ENPEP: variants seen among roughly 807,000 people sequenced by gnomAD.
The protein encoded by ENPEP is glutamyl aminopeptidase.
ENPEP carries 103 observed loss-of-function variants against 114.5 expected under a neutral mutation model. That is an observed-to-expected ratio of 0.90 (90% confidence interval 0.77 to 1.06). The LOEUF is 1.06. ENPEP is among the 50% of genes least tolerant of loss of function. The probability of loss-of-function intolerance (pLI) is 0.00; values close to 1 mark genes in which losing one functional copy is unlikely to be tolerated. For synonymous variants in ENPEP, 420 were observed against 422.0 expected, an observed-to-expected ratio of 1.00 and a Z score of 0.06; for missense variants, 1,196 against 1,161.3, an observed-to-expected ratio of 1.03 and a Z score of -0.43.
At chr4:110,524,990 G>A (rs548349803) in intron 10 of ENPEP, among the ~76,000 whole-genome samples, 1 of 152,258 alleles carries the variant, frequency 6.6e-6, no homozygotes, top group South Asian at 2.1e-4. Flanking sequence ...GAGCTCAAGC[G>A]ATCCTCCTGC....
At chr4:110,508,639 G>A (rs532862343) in intron 4 of ENPEP, among the ~76,000 whole-genome samples, 2 of 151,902 alleles carry the variant, frequency 1.3e-5, no homozygotes, top group South Asian at 2.1e-4. Context: ...GTGAATCCCC[G>A]TCTCTACTAA....
chr4:110,555,049 TG>T (rs1020882798), intron 18 of ENPEP, among the ~76,000 whole-genome samples: 1 of 152,054 alleles, frequency 6.6e-6, no homozygotes, highest in Non-Finnish European at 1.5e-5. Context: ...CATAAGTGTC[TG>T]GCCTTAAAAT....
chr4:110,477,828 C>T (rs1724170924), intron 1 of ENPEP, among the ~76,000 whole-genome samples: 1 of 152,074 alleles, frequency 6.6e-6, no homozygotes, highest in South Asian at 2.1e-4. Flanking sequence ...AAATATCTAT[C>T]TAGATAGATA....
At chr4:110,495,645 C>T (rs1021815273) in intron 3 of ENPEP, among the ~76,000 whole-genome samples, 4 of 152,130 alleles carry the variant, frequency 2.6e-5, no homozygotes, top group Non-Finnish European at 5.9e-5. Context: ...CGCTTGAACC[C>T]AGGAGGCAGA....
intron 3 of ENPEP, among the ~76,000 whole-genome samples, chr4:110,498,541 C>G (rs991164338): frequency 4.6e-5 from 7 of 152,250 alleles, no homozygotes; most frequent in Non-Finnish European, 1.0e-4. Context: ...AACAGATTTA[C>G]ATTCCAGGGA....
At chr4:110,538,361 G>A (rs748482872) in intron 11 of ENPEP, among the ~76,000 whole-genome samples, 26 of 152,320 alleles carry the variant, frequency 1.7e-4, no homozygotes, top group Middle Eastern at 3.4e-3. Flanking sequence ...TATGTTTGGA[G>A]ATGGCTTCTT....
chr4:110,554,542 AGTGTGT>A (rs140987098), intron 18 of ENPEP, among the ~76,000 whole-genome samples: 1 of 150,384 alleles, frequency 6.6e-6, no homozygotes, highest in Non-Finnish European at 1.5e-5. Context: ...TGTGCATGTG[AGTGTGT>A]GTGTGTGTGT....
Position 110,476,372 on chromosome 4 carries a change from T to C in ENPEP, c.-43T>C, listed in dbSNP as rs1724096025. 2 of 1,497,950 alleles carry C rather than the reference T, an allele frequency of 1.3e-6. No individual in the cohort carries two copies. Among genetic ancestry groups the C allele is most frequent in the Admixed American group, 2.3e-5 (1 of 43,674 alleles). 92.8% of individuals were successfully genotyped at this position (1,497,950 alleles called of 1,614,324 possible). A position where few individuals can be genotyped will look rare whatever the true frequency, so the allele number is the denominator to read the frequency against. The stretch of plus-strand genomic sequence containing the variant: ...AGTCTGCTGACGTTAGTTAGTTAAA[T>C]TTAACATCTTTTTATGTGTAACACT... On this transcript the variant is annotated 5_prime_UTR_variant, in exon 1 of 20. Transcript: ENST00000265162.
intron 18 of ENPEP, among the ~76,000 whole-genome samples, chr4:110,554,983 T>C (rs541745466): frequency 6.6e-6 from 1 of 152,132 alleles, no homozygotes; most frequent in East Asian, 1.9e-4. Flanking sequence ...ATTAGTTGTT[T>C]CACTTCAGGA....
chr4:110,477,045 A>G lies in ENPEP; in HGVS notation c.631A>G (p.Asn211Asp). ...VGFYRTTYTENGQVKSIVATD... is the reference protein window; with the variant it reads ...VGFYRTTYTEDGQVKSIVATD... The stretch of plus-strand genomic sequence containing the variant: ...ATTTTATAGAACCACCTACACGGAG[A>G]ACGGACAAGTCAAGTAAATATTAAT... Residue 211 changes from asparagine (N) to aspartate (D), a missense_variant, in exon 1 of 20, where the codon AAC becomes GAC. Physicochemically the swap from Asn to Asp is conservative, Grantham distance 23. Transcript: ENST00000265162. 6.2e-7 allele frequency: 1 copy of G among 1,613,226 alleles called. No individual in the cohort carries two copies. Among genetic ancestry groups the G allele is most frequent in the Non-Finnish European group, 8.5e-7 (1 of 1,179,340 alleles).
At chr4:110,525,748 G>T (rs1262730369) in intron 10 of ENPEP, among the ~76,000 whole-genome samples, 1 of 152,094 alleles carries the variant, frequency 6.6e-6, no homozygotes, top group Non-Finnish European at 1.5e-5. Context: ...GGAATATTTG[G>T]ATATTAAATC....
At chr4:110,492,175 C>T (rs943908497) in intron 3 of ENPEP, among the ~76,000 whole-genome samples, 1 of 152,106 alleles carries the variant, frequency 6.6e-6, no homozygotes, top group African/African-American at 2.4e-5. Context: ...TATAAAGCCT[C>T]ATCATCTTTG....
intron 11 of ENPEP, among the ~76,000 whole-genome samples, chr4:110,541,762 G>T (rs1024040377): frequency 5.9e-5 from 9 of 151,906 alleles, no homozygotes; most frequent in Non-Finnish European, 7.4e-5. Flanking sequence ...AACCTACATT[G>T]TTGGTACCTT....
At chr4:110,513,122 G>A (rs1373857923) in intron 6 of ENPEP, 1 of 218,830 alleles carries the variant, frequency 4.6e-6, no homozygotes, top group Admixed American at 5.7e-5. Context: ...GGCTTGAAAA[G>A]TTTGGCACAT....
chr4:110,477,937 C>T (rs1257235657), intron 1 of ENPEP, among the ~76,000 whole-genome samples: 1 of 152,150 alleles, frequency 6.6e-6, no homozygotes, highest in Non-Finnish European at 1.5e-5. Context: ...TCATTGAACT[C>T]CAAAAACTTC....
chr4:110,529,413 G>T (rs1726319069), intron 10 of ENPEP, among the ~76,000 whole-genome samples: 1 of 152,188 alleles, frequency 6.6e-6, no homozygotes, highest in South Asian at 2.1e-4. Context: ...GATCATGTGT[G>T]TGAAAGTGAC....
intron 10 of ENPEP, among the ~76,000 whole-genome samples, chr4:110,521,321 G>T (rs960447799): frequency 7.9e-5 from 12 of 152,158 alleles, no homozygotes; most frequent in Admixed American, 2.6e-4. Flanking sequence ...TGAGGCTTCA[G>T]TGAGCCATGA....
At chr4:110,499,698 T>TCTCACTA (rs1449443544) in intron 3 of ENPEP, among the ~76,000 whole-genome samples, 1 of 152,188 alleles carries the variant, frequency 6.6e-6, no homozygotes, top group Non-Finnish European at 1.5e-5. Context: ...TAAAGATTTT[T>TCTCACTA]GAAAAACTCT....
chr4:110,553,354 T>C lies in ENPEP; in HGVS notation c.2541T>C (p.Thr847=). The change falls in exon 18 of 20, where the codon ACT becomes ACC. Residue 847 remains threonine, a synonymous_variant. Transcript: ENST00000265162. The part of the protein sequence containing the change: ...DLLKDTNLIK[T]QDVFTVIRYI... ...TCAAGGACACGAACCTTATTAAAAC[T>C]CAGGATGTGTTTACAGTCATTCGAT... 1 of 1,606,826 alleles carries C rather than the reference T, an allele frequency of 6.2e-7. No individual in the cohort carries two copies. The highest frequency in any genetic ancestry group is 8.5e-7 in the Non-Finnish European group (1 of 1,175,310).
Sources: allele counts gnomAD v4.1 joint callset (sites outside exome capture counted in the v4.1 genomes callset), GRCh38; gene constraint gnomAD v4.1.1; transcripts MANE v1.5; gene names NCBI Gene and HGNC (gene_info 2026-07-23, HGNC 2026-07-21).